The following TPP2 variants were observed in gnomAD, a reference collection of about 807,000 sequenced individuals.
TPP2 encodes the protein tripeptidyl-peptidase 2.
TPP2 carries 34 observed loss-of-function variants against 155.9 expected under a neutral mutation model. The ratio of observed to expected loss-of-function variants is 0.22; its 90% confidence interval spans 0.17 to 0.29. TPP2 has a LOEUF of 0.29. TPP2 is among the 10% of genes least tolerant of loss of function. The pLI, the probability that TPP2 is intolerant of heterozygous loss-of-function variation, is 1.00. For missense variants in TPP2, 1,028 were observed against 1,522.3 expected, an observed-to-expected ratio of 0.68 and a Z score of 5.40; for synonymous variants, 510 against 529.4, an observed-to-expected ratio of 0.96 and a Z score of 0.50.
At chr13:102,618,266 A>C (rs1047879222) in intron 4 of TPP2, among the ~76,000 whole-genome samples, 2 of 152,212 alleles carry the variant, frequency 1.3e-5, no homozygotes, top group Non-Finnish European at 2.9e-5. Context: ...AAGATGATTC[A>C]TGGGTTTTAT....
At chr13:102,637,048 A>G in intron 13 of TPP2, 34 bp from the exon 14 acceptor site, 4 of 1,554,110 alleles carry the variant, frequency 2.6e-6, no homozygotes, top group Non-Finnish European at 3.5e-6. Context: ...GGAAAAAAAT[A>G]CTCATCTTTA....
intron 27 of TPP2, among the ~76,000 whole-genome samples, chr13:102,672,442 C>T (rs1444770224): frequency 3.3e-5 from 5 of 152,104 alleles, no homozygotes; most frequent in Admixed American, 1.3e-4. Flanking sequence ...TCTCAGGCTC[C>T]GGATAAGAGA....
intron 2 of TPP2, among the ~76,000 whole-genome samples, chr13:102,605,261 GGCCTCTCCGCAGTGCTGCA>G (rs1879733883): frequency 6.6e-6 from 1 of 152,162 alleles, no homozygotes. Flanking sequence ...CTTGCCATTG[GGCCTCTCCGCAGTGCTGCA>G]GTACCTGGCA....
intron 25 of TPP2, 85 bp from the exon 26 acceptor site, chr13:102,663,563 T>A: frequency 1.0e-6 from 1 of 960,282 alleles, no homozygotes; most frequent in Non-Finnish European, 1.5e-6. Context: ...TGGCTTAAAC[T>A]TCCAAACAAT....
chr13:102,601,873 A>G (rs1879455976), intron 1 of TPP2, among the ~76,000 whole-genome samples: 1 of 152,226 alleles, frequency 6.6e-6, no homozygotes, highest in South Asian at 2.1e-4. Context: ...GGATAATTGC[A>G]TGTATAATAA....
chr13:102,659,887 G>T (rs1884091143), intron 25 of TPP2, among the ~76,000 whole-genome samples: 1 of 152,048 alleles, frequency 6.6e-6, no homozygotes, highest in Non-Finnish European at 1.5e-5. Flanking sequence ...TATATATTAG[G>T]CCTATGTAAT....
At chr13:102,641,057 T>C (rs532055811) in intron 16 of TPP2, among the ~76,000 whole-genome samples, 1 of 152,330 alleles carries the variant, frequency 6.6e-6, no homozygotes, top group Admixed American at 6.5e-5. Context: ...TTTGAAGCTC[T>C]GTTTATAGAA....
chr13:102,626,755 T>C, intron 6 of TPP2: 1 of 261,894 alleles, frequency 3.8e-6, no homozygotes, highest in Non-Finnish European at 7.1e-6. Flanking sequence ...AAAATGCTTT[T>C]TCAAATGTTT....
intron 29 of TPP2, among the ~76,000 whole-genome samples, 163 bp downstream of exon 29, chr13:102,676,578 A>G (rs916894487): frequency 1.3e-5 from 2 of 152,202 alleles, no homozygotes; most frequent in Non-Finnish European, 2.9e-5. Flanking sequence ...TATATGAGAG[A>G]CAGTCAATAA....
At chr13:102,619,861 A>G (rs1881025792) in intron 5 of TPP2, among the ~76,000 whole-genome samples, 1 of 152,366 alleles carries the variant, frequency 6.6e-6, no homozygotes. Flanking sequence ...GGCTTTATAC[A>G]GAATAATAAA....
intron 27 of TPP2, among the ~76,000 whole-genome samples, chr13:102,669,301 T>C (rs1315158868): frequency 6.6e-6 from 1 of 152,212 alleles, no homozygotes; most frequent in Non-Finnish European, 1.5e-5. Flanking sequence ...CACGTTCTAC[T>C]GTGGCCTGTC....
chr13:102,619,029 A>G (rs990095653), intron 5 of TPP2, among the ~76,000 whole-genome samples, 183 bp downstream of exon 5: 1 of 152,198 alleles, frequency 6.6e-6, no homozygotes, highest in Admixed American at 6.5e-5. Context: ...TCTAGTTATA[A>G]TTATTGACAC....
Position 102,679,799 on chromosome 13 carries a change from G to A in TPP2, c.*1483G>A, listed in dbSNP as rs923383715. 3.3e-5 allele frequency: 5 copies of A among 152,122 alleles called. No homozygotes were observed. The highest frequency in any genetic ancestry group is 6.5e-5 in the Admixed American group (1 of 15,270). The allele number at this position is 152,122 out of a possible 1,614,324, so 9.4% of individuals were successfully genotyped here. A position where few individuals can be genotyped will look rare whatever the true frequency, so the allele number is the denominator to read the frequency against. On this transcript the variant is annotated 3_prime_UTR_variant, in exon 30 of 30. Transcript: ENST00000376052. ...GTAGGATGACTTCCCAAGGTTATAC[G>A]GCTGATCAACTGTTGGAAATTAATT...
At chr13:102,663,159 T>C (rs746554351) in intron 25 of TPP2, among the ~76,000 whole-genome samples, 5 of 150,942 alleles carry the variant, frequency 3.3e-5, no homozygotes, top group African/African-American at 1.2e-4. Context: ...TTAATTTATT[T>C]ATTTTTTGAG....
At chr13:102,614,929 ATGTGGCTAGTGACTACCGTTT>A (rs1437102154) in intron 3 of TPP2, among the ~76,000 whole-genome samples, 4 of 152,206 alleles carry the variant, frequency 2.6e-5, no homozygotes, top group Non-Finnish European at 5.9e-5. Context: ...AAATAGTGTC[ATGTGGCTAGTGACTACCGTTT>A]TAAGAATGCT....
intron 20 of TPP2, among the ~76,000 whole-genome samples, chr13:102,646,769 G>T (rs1267645362): frequency 6.6e-6 from 1 of 152,190 alleles, no homozygotes; most frequent in African/African-American, 2.4e-5. Flanking sequence ...GGTCAGAGTA[G>T]CTCCCAGGTG....
intron 27 of TPP2, among the ~76,000 whole-genome samples, chr13:102,666,689 C>G (rs1289368253): frequency 1.3e-5 from 2 of 150,314 alleles, no homozygotes; most frequent in Non-Finnish European, 3.0e-5. Flanking sequence ...GAAACTCAAT[C>G]TCAGCTTACA....
At chr13:102,602,877 C>T (rs1879533590) in intron 1 of TPP2, among the ~76,000 whole-genome samples, 1 of 151,562 alleles carries the variant, frequency 6.6e-6, no homozygotes, top group Non-Finnish European at 1.5e-5. Context: ...GTTTCTGTTT[C>T]TTTCTTGAGG....
At chr13:102,657,290 A>G in intron 25 of TPP2, 83 bp downstream of exon 25, 1 of 1,161,498 alleles carries the variant, frequency 8.6e-7, no homozygotes, top group Non-Finnish European at 1.1e-6. Context: ...ATATACATAG[A>G]CCGTATTTAA....
Sources: gnomAD v4.1 joint callset for allele counts (sites outside exome capture counted in the v4.1 genomes callset) on GRCh38, gnomAD v4.1.1 for gene constraint, MANE v1.5 for transcripts, NCBI Gene and HGNC (gene_info 2026-07-23, HGNC 2026-07-21) for gene names.